The following KCNB2 variants were observed in gnomAD, a reference collection of about 807,000 sequenced individuals.
KCNB2 encodes delayed rectifier potassium channel protein.
In KCNB2, 15 loss-of-function variants were observed where a neutral mutation model predicts 61.5. The observed-to-expected ratio is 0.24, with a 90% CI of 0.16 to 0.38. The LOEUF (loss-of-function observed/expected upper bound fraction) is 0.38, where lower values mean the gene tolerates loss of function less well. Among genes scored for constraint, KCNB2 ranks in the 10% least tolerant of loss-of-function variants. The pLI is 1.00. For synonymous variants in KCNB2, 457 were observed against 446.0 expected, an observed-to-expected ratio of 1.02 and a Z score of -0.31; for missense variants, 828 against 1,125.2, an observed-to-expected ratio of 0.74 and a Z score of 3.78.
In KCNB2 at chr8:72,833,540, G is replaced by A. The variant is rs577699176; in HGVS notation, c.580-102395G>A. On this transcript the variant is annotated intron_variant, in intron 2 of 2. Coordinates refer to ENST00000523207, the MANE Select transcript of KCNB2 (RefSeq NM_004770.3). The stretch of plus-strand genomic sequence containing the variant: ...CTCTGCTCTATGAAAATTGAAAGAG[G>A]GGAATCAAATGATAGGAATTATTTA... 2.0e-5 allele frequency among the ~76,000 whole-genome samples: 3 copies of A among 152,262 alleles called. No individual in the cohort carries two copies. In the South Asian group the frequency reaches 6.2e-4, roughly 32 times the overall value.
rs547491346 is a variant in KCNB2, at chr8:72,667,286, CCT to C, written c.579+98980_579+98981del. 2.5e-3 allele frequency among the ~76,000 whole-genome samples: 378 copies of C among 152,074 alleles called. 4 individuals carry two copies. In the South Asian group the frequency reaches 0.04, roughly 16 times the overall value. ...AGGTCCTCAGGGATTGGTGCTGATTCCTCTCTCTTGTATGTGCACACATTCTC... is the reference window on the plus strand; with the variant it reads ...AGGTCCTCAGGGATTGGTGCTGATTCCTCTCTTGTATGTGCACACATTCTC... On this transcript the variant is annotated intron_variant, in intron 2 of 2. Transcript: ENST00000523207.
rs1048218180 is a variant in KCNB2 at position 72,644,247 on chromosome 8, A to AC, written c.579+75942dup. Among the ~76,000 whole-genome samples, 161 of 150,440 alleles carry AC rather than the reference A, an allele frequency of 1.1e-3. 1 individual carries two copies. The highest frequency in any genetic ancestry group is 3.0e-3 in the Admixed American group (45 of 15,058). Reference sequence around the variant, plus strand: ...ATTAAACCCTGATTTTAAAAAGTTCACCCCCCCCTTCTCTTTAGATGAATG... The same window carrying AC: ...ATTAAACCCTGATTTTAAAAAGTTCACCCCCCCCCTTCTCTTTAGATGAATG... On this transcript the variant is annotated intron_variant, in intron 2 of 2. Transcript: ENST00000523207.
At chr8:72,722,880 A>G (rs972011097) in intron 2 of KCNB2, among the ~76,000 whole-genome samples, 8 of 152,218 alleles carry the variant, frequency 5.3e-5, no homozygotes, top group African/African-American at 1.9e-4. Context: ...GATTTTGTAC[A>G]TACTCCAAGC....
chr8:72,716,608 A>G (rs1369618286), intron 2 of KCNB2, among the ~76,000 whole-genome samples: 2 of 152,250 alleles, frequency 1.3e-5, no homozygotes, highest in Non-Finnish European at 2.9e-5. Flanking sequence ...AACAAAATTC[A>G]ACAACACTTC....
At chr8:72,897,041 G>A (rs1806000787) in intron 2 of KCNB2, among the ~76,000 whole-genome samples, 1 of 152,016 alleles carries the variant, frequency 6.6e-6, no homozygotes, top group African/African-American at 2.4e-5. Flanking sequence ...TAACATAAAT[G>A]CATTTTCTAG....
At chr8:72,835,839 T>C (rs929079467) in intron 2 of KCNB2, among the ~76,000 whole-genome samples, 1 of 152,216 alleles carries the variant, frequency 6.6e-6, no homozygotes, top group Non-Finnish European at 1.5e-5. Context: ...ATCCTACTGA[T>C]GCTCATTACA....
intron 2 of KCNB2, among the ~76,000 whole-genome samples, chr8:72,681,081 C>T (rs1806742186): frequency 6.6e-6 from 1 of 152,022 alleles, no homozygotes; most frequent in Non-Finnish European, 1.5e-5. Context: ...ATATTAAAGA[C>T]AATGTGAAAA....
intron 2 of KCNB2, among the ~76,000 whole-genome samples, chr8:72,634,930 C>G (rs925281441): frequency 3.9e-5 from 6 of 152,150 alleles, no homozygotes; most frequent in African/African-American, 1.4e-4. Flanking sequence ...CTCATTTAAG[C>G]CCCCTAGAAT....
chr8:72,843,384 A>G (rs534583472), intron 2 of KCNB2, among the ~76,000 whole-genome samples: 3 of 152,192 alleles, frequency 2.0e-5, no homozygotes, highest in African/African-American at 7.2e-5. Context: ...AATAAGTGTG[A>G]TGTGGTGCTG....
intron 1 of KCNB2, among the ~76,000 whole-genome samples, chr8:72,563,331 T>G (rs546221796): frequency 4.9e-4 from 75 of 152,322 alleles, no homozygotes; most frequent in Non-Finnish European, 3.8e-4. Flanking sequence ...GAAATTAAAG[T>G]TCAATTAGCA....
At chr8:72,603,482 A>G (rs963331700) in intron 2 of KCNB2, among the ~76,000 whole-genome samples, 1 of 152,080 alleles carries the variant, frequency 6.6e-6, no homozygotes, top group East Asian at 1.9e-4. Context: ...TTCCATTCAT[A>G]TGTCACCTGC....
intron 2 of KCNB2, among the ~76,000 whole-genome samples, chr8:72,721,858 C>G (rs1386604402): frequency 6.6e-6 from 1 of 152,176 alleles, no homozygotes; most frequent in East Asian, 1.9e-4. Flanking sequence ...TTTCTGTGCT[C>G]CTTCTCTGAG....
intron 2 of KCNB2, among the ~76,000 whole-genome samples, chr8:72,772,917 G>C (rs1233033100): frequency 6.6e-6 from 1 of 152,174 alleles, no homozygotes; most frequent in Non-Finnish European, 1.5e-5. Context: ...TGAGATGTCA[G>C]CTAAGGCATT....
At chr8:72,818,556 A>G (rs975194565) in intron 2 of KCNB2, among the ~76,000 whole-genome samples, 1 of 152,198 alleles carries the variant, frequency 6.6e-6, no homozygotes, top group African/African-American at 2.4e-5. Flanking sequence ...GTGCCATGCC[A>G]GGTGGGTTGG....
At chr8:72,619,231 T>A (rs916869970) in intron 2 of KCNB2, 2 of 594,068 alleles carry the variant, frequency 3.4e-6, no homozygotes, top group African/African-American at 3.7e-5. Flanking sequence ...TAGTGAGGTA[T>A]CTTTAGTTTC....
chr8:72,851,703 C>A (rs1375551493), intron 2 of KCNB2, among the ~76,000 whole-genome samples: 2 of 151,464 alleles, frequency 1.3e-5, no homozygotes, highest in African/African-American at 4.9e-5. Context: ...TCCAGTACTA[C>A]CATTGGCATG....
chr8:72,685,920 C>T (rs1396347211), intron 2 of KCNB2, among the ~76,000 whole-genome samples: 3 of 152,208 alleles, frequency 2.0e-5, no homozygotes, highest in Admixed American at 6.5e-5. Context: ...ACCCGGGAGG[C>T]GGAGGTTGCA....
At chr8:72,569,116 G>A (rs1030022220) in intron 2 of KCNB2, among the ~76,000 whole-genome samples, 1 of 151,994 alleles carries the variant, frequency 6.6e-6, no homozygotes, top group East Asian at 1.9e-4. Flanking sequence ...AGCTTCCAAG[G>A]TTAGCTCAAA....
chr8:72,692,235 C>CAAAAAAAAAAA (rs34131843), intron 2 of KCNB2, among the ~76,000 whole-genome samples: 1 of 77,764 alleles, frequency 1.3e-5, no homozygotes. Context: ...GACTCTGTCT[C>CAAAAAAAAAAA]AAAAAAAAAA....
Sources: allele counts gnomAD v4.1 joint callset (sites outside exome capture counted in the v4.1 genomes callset), GRCh38; gene constraint gnomAD v4.1.1; transcripts MANE v1.5; gene names NCBI Gene and HGNC (gene_info 2026-07-23, HGNC 2026-07-21).